Variants in ARNT2 observed in about 807,000 individuals in gnomAD.
ARNT2 encodes aryl hydrocarbon receptor nuclear translocator 2.
In ARNT2, 36 loss-of-function variants were observed where a neutral mutation model predicts 91.7. The ratio of observed to expected loss-of-function variants is 0.39; its 90% CI spans 0.30 to 0.52. ARNT2 has a LOEUF of 0.52. Among genes scored for constraint, ARNT2 ranks in the 20% least tolerant of loss-of-function variants. The pLI is 0.72. For synonymous variants in ARNT2, 365 were observed against 347.1 expected (o/e 1.05, Z -0.57); for missense variants, 775 against 939.3 (o/e 0.83, Z 2.29).
intron 10 of ARNT2, 118 bp from the exon 11 acceptor site, chr15:80,554,947 G>A (rs1404822779): frequency 2.8e-6 from 3 of 1,067,264 alleles, no homozygotes; most frequent in African/African-American, 3.1e-5. Flanking sequence ...AATCTGGGGT[G>A]GGACAGGCTA....
At chr15:80,454,860 G>C (rs1896458409) in intron 2 of ARNT2, among the ~76,000 whole-genome samples, 1 of 152,198 alleles carries the variant, frequency 6.6e-6, no homozygotes, top group South Asian at 2.1e-4. Flanking sequence ...ATGGCTTTCT[G>C]TCGAGGCAGG....
chr15:80,411,955 A>T (rs912693422), intron 1 of ARNT2, among the ~76,000 whole-genome samples: 1 of 152,208 alleles, frequency 6.6e-6, no homozygotes, highest in African/African-American at 2.4e-5. Flanking sequence ...TGTGTGTGAA[A>T]CTATTGACAT....
At chr15:80,547,722 A>G (rs1457823106) in intron 8 of ARNT2, among the ~76,000 whole-genome samples, 2 of 152,208 alleles carry the variant, frequency 1.3e-5, no homozygotes, top group South Asian at 2.1e-4. Context: ...GAAAGCTTGT[A>G]TCTGTCACCA....
intron 8 of ARNT2, among the ~76,000 whole-genome samples, chr15:80,535,266 G>A (rs991103393): frequency 3.3e-5 from 5 of 152,144 alleles, no homozygotes; most frequent in South Asian, 4.1e-4. Flanking sequence ...TATAAAACAC[G>A]TGATTGCTGT....
intron 5 of ARNT2, among the ~76,000 whole-genome samples, chr15:80,501,052 A>T (rs751550195): frequency 1.3e-5 from 2 of 152,190 alleles, no homozygotes; most frequent in Non-Finnish European, 2.9e-5. Flanking sequence ...TTGACAGCAT[A>T]GTTCCCTGTG....
At chr15:80,445,161 TTGA>T (rs2141581717) in intron 1 of ARNT2, 1 of 151,016 alleles carries the variant, frequency 6.6e-6, no homozygotes, top group South Asian at 2.1e-4. Flanking sequence ...TGTATATGTG[TTGA>T]TGTGAGTGGT....
In ARNT2 at chr15:80,555,124, T is replaced by G; in HGVS notation, c.1149T>G (p.Arg383=). Reference sequence around the variant, plus strand: ...ACCCTGAGGATCAAAGCCATCTGCGTGAGAGCTTCCAGCAGGTACATACTG... The same window carrying G: ...ACCCTGAGGATCAAAGCCATCTGCGGGAGAGCTTCCAGCAGGTACATACTG... The part of the protein sequence containing the change: ...FCHPEDQSHL[R]ESFQQVVKLK... Residue 383 remains arginine (R), a synonymous_variant, in exon 11 of 19, where the codon CGT becomes CGG. Coordinates refer to ENST00000303329, the MANE Select transcript of ARNT2 (RefSeq NM_014862.4). 1 of 1,614,218 alleles carries G rather than the reference T, an allele frequency of 6.2e-7. No homozygotes were observed. Among genetic ancestry groups the G allele is most frequent in the Non-Finnish European group, 8.5e-7 (1 of 1,180,032 alleles).
intron 16 of ARNT2, chr15:80,580,959 T>A (rs1898785101): frequency 1.9e-6 from 1 of 522,232 alleles, no homozygotes; most frequent in African/African-American, 1.9e-5. Flanking sequence ...GAGTTCTAGG[T>A]GTTCATAATG....
At chr15:80,487,261 C>T (rs1277036352) in intron 5 of ARNT2, among the ~76,000 whole-genome samples, 3 of 152,350 alleles carry the variant, frequency 2.0e-5, no homozygotes, top group East Asian at 1.9e-4. Context: ...CCCACCTCCC[C>T]GTGCCTTGGG....
At chr15:80,558,173 T>G (rs1898234940) in intron 11 of ARNT2, among the ~76,000 whole-genome samples, 1 of 152,144 alleles carries the variant, frequency 6.6e-6, no homozygotes, top group Non-Finnish European at 1.5e-5. Context: ...ATGCCCTCTG[T>G]GGTCACCCTA....
chr15:80,467,977 A>T (rs1896679842), intron 3 of ARNT2, among the ~76,000 whole-genome samples: 1 of 151,872 alleles, frequency 6.6e-6, no homozygotes, highest in Admixed American at 6.6e-5. Context: ...TCTCTAACCA[A>T]ATCCCCCTTT....
At chr15:80,417,885 G>C (rs1895809340) in intron 1 of ARNT2, among the ~76,000 whole-genome samples, 1 of 152,192 alleles carries the variant, frequency 6.6e-6, no homozygotes, top group Admixed American at 6.5e-5. Context: ...TGCATGACCT[G>C]GTGGACCAGG....
intron 1 of ARNT2, among the ~76,000 whole-genome samples, chr15:80,421,151 G>A (rs1260372830): frequency 6.6e-6 from 1 of 152,136 alleles, no homozygotes; most frequent in African/African-American, 2.4e-5. Flanking sequence ...AGTAACTCAG[G>A]AATGGAAAAC....
rs1224305904 is a variant in ARNT2, at chr15:80,404,778, G to A, written c.31+232G>A. On this transcript the variant is annotated intron_variant, in intron 1 of 18. Transcript: ENST00000303329. This position sits in a 1 kb window ranked among gnomAD's most constrained non-coding sequence, Gnocchi z 5.5. ...AGGCGCCGGTCCGGACCCGCGGGCG[G>A]CCGGACGCTGGCCTCGCATCCTCGG... is the stretch of plus-strand genomic sequence containing the variant. Among the ~76,000 whole-genome samples the A allele has an allele frequency of 6.6e-6, 1 of 152,106 alleles. No individual in the cohort carries two copies. The highest frequency in any genetic ancestry group is 2.1e-4 in the South Asian group (1 of 4,832).
chr15:80,484,358 G>A (rs4778799), intron 5 of ARNT2, among the ~76,000 whole-genome samples: 111,816 of 152,046 alleles, frequency 0.74, 41,570 homozygotes, highest in East Asian at 0.96. Context: ...CAAAGCATTT[G>A]GGGGTAAGTT....
chr15:80,476,225 C>T (rs559959381), intron 5 of ARNT2, among the ~76,000 whole-genome samples: 35 of 152,272 alleles, frequency 2.3e-4, no homozygotes, highest in African/African-American at 7.9e-4. Flanking sequence ...TGAAATCAGA[C>T]GGAGAGTTTT....
At chr15:80,574,285 T>C in intron 13 of ARNT2, 65 bp downstream of exon 13, 1 of 1,492,758 alleles carries the variant, frequency 6.7e-7, no homozygotes, top group Non-Finnish European at 9.3e-7. Context: ...TGGGACTCAA[T>C]TCAGCCCTGA....
At chr15:80,572,785 T>C (rs4778825) in intron 12 of ARNT2, among the ~76,000 whole-genome samples, 27,207 of 152,260 alleles carry the variant, frequency 0.18, 2,701 homozygotes, top group African/African-American at 0.24. Context: ...CTCACCCACA[T>C]AGTTTGTGGC....
chr15:80,570,128 C>T (rs775985304), intron 12 of ARNT2, among the ~76,000 whole-genome samples: 4 of 152,194 alleles, frequency 2.6e-5, no homozygotes, highest in East Asian at 1.9e-4. Context: ...GTAAAAAGAC[C>T]GCAAGGCCAA....
Sources: gnomAD v4.1 joint callset for allele counts (sites outside exome capture counted in the v4.1 genomes callset) on GRCh38, gnomAD v4.1.1 for gene constraint, Gnocchi (gnomAD v3.1) non-coding constraint, MANE v1.5 for transcripts, NCBI Gene and HGNC (gene_info 2026-07-23, HGNC 2026-07-21) for gene names.